CHRM2: variants seen among roughly 807,000 people sequenced by gnomAD.
CHRM2 encodes muscarinic acetylcholine receptor M2.
CHRM2 carries 8 observed loss-of-function variants against 25.0 expected under a neutral mutation model. The observed-to-expected ratio is 0.32, with a 90% CI of 0.19 to 0.58. The LOEUF is 0.58. Ranked by LOEUF, CHRM2 falls within the 20% of genes least tolerant of loss-of-function variation. CHRM2 has a pLI of 0.88. For synonymous variants in CHRM2, 202 were observed against 205.7 expected (o/e 0.98, Z 0.15); for missense variants, 440 against 567.1 (o/e 0.78, Z 2.28).
chr7:136,986,866 T>C (rs2131000157), intron 2 of CHRM2, among the ~76,000 whole-genome samples: 1 of 152,314 alleles, frequency 6.6e-6, no homozygotes, highest in East Asian at 1.9e-4. Flanking sequence ...ATTCTTATTG[T>C]ATATGAAATA....
At chr7:136,997,486 A>G (rs1803683851) in intron 3 of CHRM2, among the ~76,000 whole-genome samples, 1 of 152,222 alleles carries the variant, frequency 6.6e-6, no homozygotes, top group South Asian at 2.1e-4. Context: ...AGAAAAAGAA[A>G]TAATTTTTAC....
chr7:136,930,310 C>T lies in CHRM2; in HGVS notation c.-125+60892C>T, dbSNP rs373917276. ...AATTAGCCAGGCATCGTGGCACACACCTGTAATCCCAGCTACTTGGGAGGC... is the reference window on the plus strand; with the variant it reads ...AATTAGCCAGGCATCGTGGCACACATCTGTAATCCCAGCTACTTGGGAGGC... On this transcript the variant is annotated intron_variant, in intron 2 of 3. Transcript: ENST00000680005. Among the ~76,000 whole-genome samples, 7 of 151,998 alleles carry T rather than the reference C, an allele frequency of 4.6e-5. No homozygotes were observed. In the East Asian group the frequency reaches 5.9e-4, roughly 13 times the overall value.
intron 2 of CHRM2, among the ~76,000 whole-genome samples, chr7:136,941,980 A>G (rs145139067): frequency 4.6e-5 from 7 of 152,204 alleles, no homozygotes; most frequent in African/African-American, 1.7e-4. Flanking sequence ...CCTCAACAGG[A>G]ACTTTCTATC....
intron 2 of CHRM2, among the ~76,000 whole-genome samples, chr7:136,875,952 A>G (rs1796037300): frequency 6.6e-6 from 1 of 152,128 alleles, no homozygotes; most frequent in African/African-American, 2.4e-5. Context: ...AGGCAATGAT[A>G]AGCTTCACAC....
chr7:136,955,493 T>C (rs1381405590), intron 2 of CHRM2, among the ~76,000 whole-genome samples: 1 of 152,214 alleles, frequency 6.6e-6, no homozygotes, highest in Non-Finnish European at 1.5e-5. Context: ...TTATGCACTG[T>C]CACCTATTAT....
At position 136,901,052 on chromosome 7, in the gene CHRM2, C is replaced by T. The variant is rs185703236; in HGVS notation, c.-125+31634C>T. 3.3e-4 allele frequency among the ~76,000 whole-genome samples: 50 copies of T among 152,132 alleles called. 1 individual carries two copies. Among genetic ancestry groups the T allele is most frequent in the African/African-American group, 1.1e-3 (47 of 41,530 alleles). ...ATCATAGTACATACACAAAAAACCT[C>T]TTTTAGAGAATGATATAACAGTAAT... On this transcript the variant is annotated intron_variant, in intron 2 of 3. Transcript: ENST00000680005.
chr7:136,997,753 T>G lies in CHRM2; in HGVS notation c.-47+5489T>G, dbSNP rs1292246862. On this transcript the variant is annotated intron_variant, in intron 3 of 3. Transcript: ENST00000680005. Reference sequence around the variant, plus strand: ...ATTGTCAGAATACTCTTCCTTACCCTTGGCAAATAGTTGTAGCATGTCTGA... The same window carrying G: ...ATTGTCAGAATACTCTTCCTTACCCGTGGCAAATAGTTGTAGCATGTCTGA... Among the ~76,000 whole-genome samples the G allele has an allele frequency of 2.6e-5, 4 of 152,350 alleles. No individual in the cohort carries two copies. In the East Asian group the frequency reaches 7.7e-4, roughly 29 times the overall value.
chr7:136,986,992 C>T (rs533956393), intron 2 of CHRM2, among the ~76,000 whole-genome samples: 1 of 152,250 alleles, frequency 6.6e-6, no homozygotes, highest in East Asian at 1.9e-4. Flanking sequence ...TTGTACCAGG[C>T]AAAACAGAAA....
At chr7:136,901,495 C>G (rs1487105678) in intron 2 of CHRM2, among the ~76,000 whole-genome samples, 1 of 151,982 alleles carries the variant, frequency 6.6e-6, no homozygotes, top group East Asian at 1.9e-4. Context: ...GTGCTGTGCC[C>G]TGACCTATAG....
intron 2 of CHRM2, among the ~76,000 whole-genome samples, chr7:136,915,116 A>T (rs79114116): frequency 6.6e-6 from 1 of 151,862 alleles, no homozygotes; most frequent in Non-Finnish European, 1.5e-5. Context: ...TGCTGACATC[A>T]TTCTGGTTAA....
At chr7:136,921,707 T>C (rs765215582) in intron 2 of CHRM2, among the ~76,000 whole-genome samples, 3 of 152,046 alleles carry the variant, frequency 2.0e-5, no homozygotes, top group Non-Finnish European at 2.9e-5. Flanking sequence ...AAAGTCAGCC[T>C]TCTCTGATGC....
At chr7:136,963,349 A>G (rs934652712) in intron 2 of CHRM2, among the ~76,000 whole-genome samples, 1 of 152,218 alleles carries the variant, frequency 6.6e-6, no homozygotes, top group Non-Finnish European at 1.5e-5. Context: ...GTGGAGAAAC[A>G]GAGTTAAAGA....
At chr7:136,961,004 T>C (rs1801040346) in intron 2 of CHRM2, among the ~76,000 whole-genome samples, 1 of 152,080 alleles carries the variant, frequency 6.6e-6, no homozygotes, top group Non-Finnish European at 1.5e-5. Flanking sequence ...GGCAGGTGCC[T>C]GTAACCAGCT....
intron 3 of CHRM2, among the ~76,000 whole-genome samples, chr7:137,007,972 C>T (rs989672586): frequency 1.3e-5 from 2 of 152,040 alleles, no homozygotes; most frequent in African/African-American, 4.8e-5. Context: ...CTATTTAACA[C>T]ATTCACTAAT....
Position 137,019,712 on chromosome 7 carries a change from C to A in CHRM2, c.*3446C>A, listed in dbSNP as rs1805340937. Reference sequence around the variant, plus strand: ...TTACCAGTTCATCATTAATTTAACGCCAGCTCCCAAGTATTAGGGCAGAGT... The same window carrying A: ...TTACCAGTTCATCATTAATTTAACGACAGCTCCCAAGTATTAGGGCAGAGT... On this transcript the variant is annotated 3_prime_UTR_variant, in exon 4 of 4. Transcript: ENST00000680005. 6.6e-6 allele frequency: 1 copy of A among 151,822 alleles called. No homozygotes were observed. Among genetic ancestry groups the A allele is most frequent in the South Asian group, 2.1e-4 (1 of 4,830 alleles). 9.4% of individuals were successfully genotyped at this position (151,822 alleles called of 1,614,324 possible). A position where few individuals can be genotyped will look rare whatever the true frequency, so the allele number is the denominator to read the frequency against.
rs1584759190 is a variant in CHRM2 at position 136,921,331 on chromosome 7, C to T, written c.-125+51913C>T. ...TCTCTCAATCCCTTCTCTTCATTGT[C>T]TCCAGTGAGGTCTGCCTTTACTCCA... is the stretch of plus-strand genomic sequence containing the variant. On this transcript the variant is annotated intron_variant, in intron 2 of 3. Transcript: ENST00000680005. Among the ~76,000 whole-genome samples the T allele has an allele frequency of 2.0e-5, 3 of 152,252 alleles. No individual in the cohort carries two copies. In the East Asian group the frequency reaches 5.8e-4, roughly 30 times the overall value.
At chr7:136,981,662 G>T (rs926221707) in intron 2 of CHRM2, among the ~76,000 whole-genome samples, 20 of 152,034 alleles carry the variant, frequency 1.3e-4, no homozygotes, top group African/African-American at 4.8e-4. Context: ...TGTTCTCATT[G>T]GTTTCAAAGA....
In CHRM2 at chr7:137,016,019, T is replaced by C. The variant is rs1272466011; in HGVS notation, c.1154T>C (p.Val385Ala). 6.2e-7 allele frequency: 1 copy of C among 1,613,094 alleles called. No individual in the cohort carries two copies. ...CCTCCTCCTTCCCGGGAAAAGAAAG[T>C]CACCAGGACAATCTTGGCTATTCTG... is the stretch of plus-strand genomic sequence containing the variant. ...KKPPPSREKK[V>A]TRTILAILLA... is the part of the protein sequence containing the mutation. Residue 385 changes from valine to alanine, a missense_variant, in exon 4 of 4, where the codon GTC becomes GCC. Transcript: ENST00000680005.
At chr7:136,902,959 AC>A in intron 2 of CHRM2, 1 of 360,006 alleles carries the variant, frequency 2.8e-6, no homozygotes, top group East Asian at 7.9e-5. Flanking sequence ...TCATTATCAA[AC>A]AAACAAAGCT....
Sources: gnomAD v4.1 joint callset for allele counts (sites outside exome capture counted in the v4.1 genomes callset) on GRCh38, gnomAD v4.1.1 for gene constraint, MANE v1.5 for transcripts, NCBI Gene and HGNC (gene_info 2026-07-23, HGNC 2026-07-21) for gene names.